The following RLF variants were observed in gnomAD, a reference collection of about 807,000 sequenced individuals.
The protein encoded by RLF is RLF zinc finger.
Under a neutral mutation model 162.9 loss-of-function variants are expected in RLF, and 7 were observed. The observed-to-expected ratio is 0.04, with a 90% CI of 0.02 to 0.08. RLF has a LOEUF of 0.08. RLF is among the 10% of genes least tolerant of loss of function. RLF has a pLI of 1.00. For missense variants in RLF, 1,664 were observed against 2,244.7 expected, an observed-to-expected ratio of 0.74 and a Z score of 5.23; for synonymous variants, 782 against 791.5, an observed-to-expected ratio of 0.99 and a Z score of 0.20.
chr1:40,225,237 A>AT (rs1288407591), intron 6 of RLF, among the ~76,000 whole-genome samples: 1 of 152,310 alleles, frequency 6.6e-6, no homozygotes, highest in Admixed American at 6.5e-5. Context: ...TCTTGGGAGT[A>AT]TCATTCTTGA....
At position 40,231,589 on chromosome 1, in the gene RLF, T is replaced by C. The variant is rs1230909969; in HGVS notation, c.1020T>C (p.Cys340=). Reference sequence around the variant, plus strand: ...CTTTAGATACTTTTTTGGAGCGCTGTCGTCAGTTTGGTGTCATAGCTAAAA... The same window carrying C: ...CTTTAGATACTTTTTTGGAGCGCTGCCGTCAGTTTGGTGTCATAGCTAAAA... ...DPSLDTFLER[C]RQFGVIAKTQ... Residue 340 remains cysteine, a synonymous_variant, in exon 7 of 8, where the codon TGT becomes TGC. Transcript: ENST00000372771. 6.2e-7 allele frequency: 1 copy of C among 1,613,990 alleles called. No homozygotes were observed. The highest frequency in any genetic ancestry group is 1.3e-5 in the African/African-American group (1 of 74,934).
At chr1:40,185,845 A>AAC (rs1642472534) in intron 1 of RLF, among the ~76,000 whole-genome samples, 1 of 21,124 alleles carries the variant, frequency 4.7e-5, no homozygotes. Context: ...AAAAAAAGCA[A>AAC]AAAAAAAAAA....
At chr1:40,183,419 G>C (rs1380439219) in intron 1 of RLF, among the ~76,000 whole-genome samples, 1 of 152,152 alleles carries the variant, frequency 6.6e-6, no homozygotes, top group African/African-American at 2.4e-5. Context: ...GCATTCTGAA[G>C]TACAGGATAT....
In RLF at chr1:40,237,666, A is replaced by C. The variant is rs371992938; in HGVS notation, c.2964A>C (p.Ile988=). 76 of 1,614,058 alleles carry C rather than the reference A, an allele frequency of 4.7e-5. No homozygotes were observed. Among genetic ancestry groups the C allele is most frequent in the Non-Finnish European group, 5.6e-5 (66 of 1,180,020 alleles). ...VHPYHFKPKK[I]KTKDLFPSLG... is the part of the protein sequence containing the mutation. ...CATACCATTTCAAGCCCAAAAAGAT[A>C]AAGACGAAAGATCTGTTTCCCTCTT... The change falls in exon 8 of 8, where the codon ATA becomes ATC. Residue 988 remains isoleucine (I), a synonymous_variant. Transcript: ENST00000372771. This position sits in a 1 kb window ranked among gnomAD's most constrained non-coding sequence, Gnocchi z 4.4.
chr1:40,161,780 C>T lies in RLF; in HGVS notation c.237+144C>T, dbSNP rs1642088910. 2.5e-6 allele frequency: 3 copies of T among 1,219,156 alleles called. No homozygotes were observed. The highest frequency in any genetic ancestry group is 3.1e-5 in the African/African-American group (2 of 63,748). 75.5% of individuals were successfully genotyped at this position (1,219,156 alleles called of 1,614,324 possible). On this transcript the variant is annotated intron_variant, in intron 1 of 7. Coordinates refer to ENST00000372771, the MANE Select transcript of RLF (RefSeq NM_012421.4). This position sits in a 1 kb window ranked among gnomAD's most constrained non-coding sequence, Gnocchi z 4.4. ...GCCCCCGGGCCGGGAAGGCCCAGCT[C>T]GGAAGCTCGACCGCTGGCCCCCCTG...
chr1:40,199,130 A>G (rs1400301452), intron 4 of RLF, among the ~76,000 whole-genome samples: 2 of 152,226 alleles, frequency 1.3e-5, no homozygotes, highest in East Asian at 1.9e-4. Context: ...ACCCAAGACC[A>G]TGTAGTTACA....
rs1190688427 is a variant in RLF at position 40,235,989 on chromosome 1, A to G, written c.1287A>G (p.Leu429=). The change falls in exon 8 of 8, where the codon TTA becomes TTG. Residue 429 remains leucine (L), a synonymous_variant. Transcript: ENST00000372771. ...CCAGTTTGGATGGATTTAATATGTT[A>G]GAAGAACTATATTTGCAACCAGATC... ...IEPSLDGFNM[L]EELYLQPDQK... The G allele has an allele frequency of 6.2e-7, 1 of 1,613,384 alleles. No individual in the cohort carries two copies. Among genetic ancestry groups the G allele is most frequent in the Admixed American group, 1.7e-5 (1 of 59,838 alleles).
At chr1:40,167,405 A>T (rs145789441) in intron 1 of RLF, among the ~76,000 whole-genome samples, 1,969 of 152,344 alleles carry the variant, frequency 0.013, 43 homozygotes, top group African/African-American at 0.045. Context: ...TTTGTAATGC[A>T]CATGACAAAA....
chr1:40,218,614 C>T (rs2124551621), intron 5 of RLF, among the ~76,000 whole-genome samples: 1 of 152,268 alleles, frequency 6.6e-6, no homozygotes, highest in African/African-American at 2.4e-5. Flanking sequence ...GGGCTACATT[C>T]TCCCCTATCC....
At chr1:40,209,561 A>G (rs937450845) in intron 5 of RLF, among the ~76,000 whole-genome samples, 4 of 152,202 alleles carry the variant, frequency 2.6e-5, no homozygotes, top group African/African-American at 9.7e-5. Flanking sequence ...ATAGCCTCCT[A>G]TGACTTCATC....
chr1:40,176,541 G>A (rs576188936), intron 1 of RLF, among the ~76,000 whole-genome samples: 1 of 152,324 alleles, frequency 6.6e-6, no homozygotes, highest in South Asian at 2.1e-4. Flanking sequence ...CCAGGCTCAG[G>A]TGATTCTCCC....
At chr1:40,195,487 C>A (rs1478764982) in intron 3 of RLF, 145 bp from the exon 4 acceptor site, 1 of 580,624 alleles carries the variant, frequency 1.7e-6, no homozygotes, top group Non-Finnish European at 2.8e-6. Context: ...TTTCACAAGG[C>A]TTTGAGTATA....
intron 6 of RLF, 43 bp downstream of exon 6, chr1:40,222,753 G>T (rs369227999): frequency 3.9e-6 from 6 of 1,541,248 alleles, no homozygotes; most frequent in Non-Finnish European, 5.4e-6. Flanking sequence ...TTAGTACATA[G>T]TATAGCATTT....
chr1:40,202,282 ACTT>A lies in RLF; in HGVS notation c.608-127_608-125del, dbSNP rs1157634576. ...TAGATGAATATTGAGACCAGAGTAAACTTCTCATTTATATAAACTAAATTTTTA... is the reference window on the plus strand; with the variant it reads ...TAGATGAATATTGAGACCAGAGTAAACTCATTTATATAAACTAAATTTTTA... On this transcript the variant is annotated intron_variant, in intron 4 of 7. Coordinates refer to ENST00000372771, the MANE Select transcript of RLF (RefSeq NM_012421.4). The A allele has an allele frequency of 5.2e-5, 32 of 618,372 alleles. 1 individual carries two copies. Among genetic ancestry groups the A allele is most frequent in the South Asian group, 5.1e-4 (24 of 46,962 alleles). The allele number at this position is 618,372 out of a possible 1,614,324, so 38.3% of individuals were successfully genotyped here.
chr1:40,239,503 G>C lies in RLF; in HGVS notation c.4801G>C (p.Glu1601Gln). ...CVKYGTKIKE[E>Q]PPSEADPCIK... ...TAAGTACGGTACCAAAATTAAGGAG[G>C]AACCCCCTTCTGAAGCAGATCCCTG... The change falls in exon 8 of 8, where the codon GAA (glutamate) becomes CAA (glutamine). Residue 1601 changes from glutamate (E) to glutamine (Q), a missense_variant. Glu to Gln is a conservative substitution (Grantham distance 29, BLOSUM62 2). Coordinates refer to ENST00000372771, the MANE Select transcript of RLF (RefSeq NM_012421.4). The C allele has an allele frequency of 1.2e-6, 2 of 1,613,970 alleles. No individual in the cohort carries two copies. The highest frequency in any genetic ancestry group is 1.7e-6 in the Non-Finnish European group (2 of 1,180,012).
Position 40,239,496 on chromosome 1 carries a change from T to G in RLF, c.4794T>G (p.Ile1598Met). The change falls in exon 8 of 8, where the codon ATT becomes ATG. Residue 1598 changes from isoleucine to methionine, a missense_variant. Ile to Met is a conservative substitution (Grantham distance 10). Coordinates refer to ENST00000372771, the MANE Select transcript of RLF (RefSeq NM_012421.4). ...TTTGCGTTAAGTACGGTACCAAAATTAAGGAGGAACCCCCTTCTGAAGCAG... is the reference window on the plus strand; with the variant it reads ...TTTGCGTTAAGTACGGTACCAAAATGAAGGAGGAACCCCCTTCTGAAGCAG... Reference protein sequence around the residue: ...LVVCVKYGTKIKEEPPSEADP... With the variant: ...LVVCVKYGTKMKEEPPSEADP... The G allele has an allele frequency of 6.2e-7, 1 of 1,613,902 alleles. No individual in the cohort carries two copies. The highest frequency in any genetic ancestry group is 1.1e-5 in the South Asian group (1 of 91,068).
At chr1:40,188,432 T>G (rs943229779) in intron 1 of RLF, among the ~76,000 whole-genome samples, 7 of 152,192 alleles carry the variant, frequency 4.6e-5, no homozygotes, top group African/African-American at 1.7e-4. Context: ...TTCCCCCCAT[T>G]GTAACCAAAT....
chr1:40,165,872 C>T (rs1642159094), intron 1 of RLF, among the ~76,000 whole-genome samples: 1 of 152,156 alleles, frequency 6.6e-6, no homozygotes, highest in Non-Finnish European at 1.5e-5. Context: ...CTCCCATTTT[C>T]CCAGCCTCAT....
intron 1 of RLF, among the ~76,000 whole-genome samples, chr1:40,187,815 AGCAGAATCCT>A (rs940215668): frequency 4.6e-5 from 7 of 152,226 alleles, no homozygotes; most frequent in African/African-American, 1.4e-4. Context: ...CAGAAAATCC[AGCAGAATCCT>A]GCGCTACTAT....
Sources: gnomAD v4.1 joint callset for allele counts (sites outside exome capture counted in the v4.1 genomes callset) on GRCh38, gnomAD v4.1.1 for gene constraint, Gnocchi (gnomAD v3.1) non-coding constraint, MANE v1.5 for transcripts, NCBI Gene and HGNC (gene_info 2026-07-23, HGNC 2026-07-21) for gene names.